The following TAFA2 variants were observed in gnomAD, a reference collection of about 807,000 sequenced individuals.
TAFA2 encodes the protein chemokine-like protein TAFA-2.
TAFA2 carries 7 observed loss-of-function variants against 18.8 expected under a neutral mutation model. That is an observed-to-expected ratio of 0.37 (90% CI 0.21 to 0.70). TAFA2 has a LOEUF of 0.70. Among genes scored for constraint, TAFA2 ranks in the 30% least tolerant of loss-of-function variants. TAFA2 has a pLI of 0.53. For missense variants in TAFA2, 122 were observed against 158.1 expected (o/e 0.77, Z 1.23); for synonymous variants, 60 against 54.2 (o/e 1.11, Z -0.47).
intron 1 of TAFA2, chr12:62,104,854 G>C: frequency 3.0e-6 from 1 of 330,340 alleles, no homozygotes; most frequent in Non-Finnish European, 6.1e-6. Context: ...TGGCTCCTAC[G>C]TCTCACAGAA....
intron 1 of TAFA2, among the ~76,000 whole-genome samples, chr12:61,944,163 C>T (rs1439599362): frequency 2.9e-4 from 42 of 143,820 alleles, no homozygotes; most frequent in African/African-American, 1.1e-3. Flanking sequence ...CTCAAAGCCG[C>T]TCAACTACCT....
intron 1 of TAFA2, among the ~76,000 whole-genome samples, chr12:62,238,939 G>T (rs564961549): frequency 6.6e-6 from 1 of 152,234 alleles, no homozygotes; most frequent in Admixed American, 6.5e-5. Flanking sequence ...ATCCATCTTT[G>T]CAATTCCAGA....
intron 1 of TAFA2, among the ~76,000 whole-genome samples, chr12:62,146,346 C>G (rs889709943): frequency 6.8e-6 from 1 of 146,032 alleles, no homozygotes; most frequent in African/African-American, 2.5e-5. Flanking sequence ...TGCAGTGGCA[C>G]AATCTTGGCT....
At chr12:62,248,248 A>G (rs993928515) in intron 1 of TAFA2, among the ~76,000 whole-genome samples, 7 of 152,202 alleles carry the variant, frequency 4.6e-5, no homozygotes, top group African/African-American at 1.7e-4. Flanking sequence ...GTGGGCCCTT[A>G]GTTTGAGCCA....
chr12:62,081,766 T>A (rs1868328997), intron 1 of TAFA2, among the ~76,000 whole-genome samples: 2 of 152,116 alleles, frequency 1.3e-5, no homozygotes, highest in African/African-American at 4.8e-5. Context: ...ATTACAGGCA[T>A]GAGCCACCGC....
intron 1 of TAFA2, among the ~76,000 whole-genome samples, chr12:62,254,776 T>C (rs1344112964): frequency 6.6e-6 from 1 of 152,260 alleles, no homozygotes; most frequent in Non-Finnish European, 1.5e-5. Context: ...ACCTATTTAA[T>C]GTTTCCATCA....
At chr12:62,125,484 T>C (rs1050799415) in intron 1 of TAFA2, among the ~76,000 whole-genome samples, 2 of 152,140 alleles carry the variant, frequency 1.3e-5, no homozygotes, top group African/African-American at 4.8e-5. Flanking sequence ...TCGTGAAGAA[T>C]TTCCTTTCAG....
intron 1 of TAFA2, among the ~76,000 whole-genome samples, chr12:62,110,563 C>T (rs1040324081): frequency 2.0e-5 from 3 of 148,896 alleles, no homozygotes; most frequent in Non-Finnish European, 4.4e-5. Context: ...GCACCAGCTT[C>T]CTTTTGCACC....
In TAFA2 at chr12:62,075,363, C is replaced by A. The variant is rs541049623; in HGVS notation, c.-2+115896G>T. 1.1e-4 allele frequency among the ~76,000 whole-genome samples: 17 copies of A among 152,276 alleles called. 1 individual carries two copies. Among genetic ancestry groups the A allele is most frequent in the African/African-American group, 3.4e-4 (14 of 41,548 alleles). On this transcript the variant is annotated intron_variant, in intron 1 of 4. Coordinates refer to ENST00000416284, the MANE Select transcript of TAFA2 (RefSeq NM_178539.5). ...AGGACACAGATGCTAAGCTAGAGGG[C>A]ATACATCCCCAGGCTCTTTTGCAGT... is the stretch of plus-strand genomic sequence containing the variant.
intron 2 of TAFA2, among the ~76,000 whole-genome samples, chr12:61,847,677 G>C (rs760387357): frequency 2.6e-5 from 4 of 152,110 alleles, no homozygotes; most frequent in Non-Finnish European, 5.9e-5. Context: ...AAAATTTAAA[G>C]CAAAGTGCAT....
intron 2 of TAFA2, among the ~76,000 whole-genome samples, chr12:61,835,370 C>A (rs906642982): frequency 6.6e-6 from 1 of 151,778 alleles, no homozygotes; most frequent in Non-Finnish European, 1.5e-5. Flanking sequence ...TTTGGGGGGC[C>A]TGGCTTATTT....
At chr12:62,248,699 C>G (rs2062898053) in intron 1 of TAFA2, among the ~76,000 whole-genome samples, 1 of 152,122 alleles carries the variant, frequency 6.6e-6, no homozygotes, top group Non-Finnish European at 1.5e-5. Flanking sequence ...TCCTTCCACT[C>G]CATTTACTTT....
intron 1 of TAFA2, among the ~76,000 whole-genome samples, chr12:62,055,372 G>A (rs993416425): frequency 6.6e-6 from 1 of 152,086 alleles, no homozygotes; most frequent in African/African-American, 2.4e-5. Context: ...AAATAGAAAA[G>A]AGTCTCTCCA....
chr12:62,075,962 C>G (rs1282528986), intron 1 of TAFA2, among the ~76,000 whole-genome samples: 1 of 152,196 alleles, frequency 6.6e-6, no homozygotes, highest in East Asian at 1.9e-4. Context: ...AGACCCTAAA[C>G]TGAACTTCAG....
intron 1 of TAFA2, among the ~76,000 whole-genome samples, chr12:62,104,449 G>A (rs534308804): frequency 6.6e-5 from 10 of 152,246 alleles, no homozygotes; most frequent in African/African-American, 9.6e-5. Flanking sequence ...ATATTAGCCC[G>A]TGTCTTTTGT....
At chr12:61,773,035 A>T (rs1870100896) in intron 2 of TAFA2, among the ~76,000 whole-genome samples, 1 of 152,050 alleles carries the variant, frequency 6.6e-6, no homozygotes, top group Non-Finnish European at 1.5e-5. Flanking sequence ...AATGTACACA[A>T]ATCAGTAGCA....
At chr12:62,059,979 A>G (rs1451877754) in intron 1 of TAFA2, among the ~76,000 whole-genome samples, 1 of 152,206 alleles carries the variant, frequency 6.6e-6, no homozygotes, top group Non-Finnish European at 1.5e-5. Flanking sequence ...ATTAGCTATC[A>G]GTTATCATTG....
intron 1 of TAFA2, among the ~76,000 whole-genome samples, chr12:62,083,306 G>T (rs1868351503): frequency 6.6e-6 from 1 of 151,738 alleles, no homozygotes; most frequent in African/African-American, 2.4e-5. Context: ...GTTTCTGAAT[G>T]GTAATGACAA....
chr12:61,777,910 A>G (rs975026496), intron 2 of TAFA2, among the ~76,000 whole-genome samples: 13 of 151,782 alleles, frequency 8.6e-5, no homozygotes, highest in Non-Finnish European at 1.8e-4. Flanking sequence ...AGTGACAGTG[A>G]GAGAAAGGGT....
Sources: gnomAD v4.1 joint callset for allele counts (sites outside exome capture counted in the v4.1 genomes callset) on GRCh38, gnomAD v4.1.1 for gene constraint, MANE v1.5 for transcripts, NCBI Gene and HGNC (gene_info 2026-07-23, HGNC 2026-07-21) for gene names.